The following KCNH1 variants were observed in gnomAD, a reference collection of about 807,000 sequenced individuals.
The protein encoded by KCNH1 is potassium voltage-gated channel subfamily H member 1, also known as voltage-gated delayed rectifier potassium channel KCNH1.
KCNH1 carries 27 observed loss-of-function variants against 69.2 expected under a neutral mutation model. The observed-to-expected ratio is 0.39, with a 90% CI of 0.29 to 0.54. The LOEUF is 0.54. KCNH1 is among the 20% of genes least tolerant of loss of function. The pLI is 0.68. For missense variants in KCNH1, 798 were observed against 1,261.6 expected (o/e 0.63, Z 5.57); for synonymous variants, 456 against 487.7 (o/e 0.93, Z 0.86).
At chr1:211,015,046 T>C (rs1194292020) in intron 6 of KCNH1, among the ~76,000 whole-genome samples, 1 of 152,032 alleles carries the variant, frequency 6.6e-6, no homozygotes, top group Non-Finnish European at 1.5e-5. Flanking sequence ...AATTTAATGG[T>C]GTCATTTCAC....
chr1:210,976,371 C>T (rs1688610274), intron 6 of KCNH1, among the ~76,000 whole-genome samples: 1 of 144,850 alleles, frequency 6.9e-6, no homozygotes, highest in South Asian at 2.2e-4. Context: ...CAATGATAGA[C>T]TAGATTAAGA....
intron 6 of KCNH1, among the ~76,000 whole-genome samples, chr1:210,941,846 C>T (rs774239617): frequency 3.9e-5 from 6 of 152,156 alleles, no homozygotes; most frequent in African/African-American, 7.2e-5. Context: ...GAAGGAGGAT[C>T]AGTATTTTGC....
intron 7 of KCNH1, among the ~76,000 whole-genome samples, chr1:210,879,148 C>T (rs939261390): frequency 1.3e-5 from 2 of 151,996 alleles, no homozygotes; most frequent in African/African-American, 4.8e-5. Context: ...AAACAGAAAG[C>T]ACCAGACACA....
At chr1:210,819,955 T>A (rs945148547) in intron 7 of KCNH1, among the ~76,000 whole-genome samples, 3 of 152,246 alleles carry the variant, frequency 2.0e-5, no homozygotes, top group South Asian at 2.1e-4. Flanking sequence ...GAGATGCACA[T>A]CATGTGAGGG....
At chr1:210,950,001 G>A (rs537475679) in intron 6 of KCNH1, among the ~76,000 whole-genome samples, 1 of 152,204 alleles carries the variant, frequency 6.6e-6, no homozygotes, top group African/African-American at 2.4e-5. Context: ...CTAGAAGCCA[G>A]TGAGGAAAAG....
At chr1:210,806,691 CT>C (rs1684556441) in intron 7 of KCNH1, among the ~76,000 whole-genome samples, 1 of 149,896 alleles carries the variant, frequency 6.7e-6, no homozygotes, top group Non-Finnish European at 1.5e-5. Flanking sequence ...AAAGCAAACA[CT>C]TTACTTGAAA....
chr1:211,042,556 G>A (rs1203095696), intron 5 of KCNH1, among the ~76,000 whole-genome samples: 1 of 152,118 alleles, frequency 6.6e-6, no homozygotes, highest in Non-Finnish European at 1.5e-5. Flanking sequence ...CACTAGACAG[G>A]TCATCAAGAC....
chr1:210,820,442 T>C (rs897149074), intron 7 of KCNH1, among the ~76,000 whole-genome samples: 1 of 152,168 alleles, frequency 6.6e-6, no homozygotes, highest in Admixed American at 6.5e-5. Context: ...AAGACCAGCC[T>C]GGCCAACATG....
chr1:210,816,196 A>T (rs904201013), intron 7 of KCNH1, among the ~76,000 whole-genome samples: 2 of 152,198 alleles, frequency 1.3e-5, no homozygotes, highest in Admixed American at 1.3e-4. Flanking sequence ...ATTTTATAAC[A>T]AGAGAAGCCT....
chr1:210,914,641 C>A (rs959179379), intron 7 of KCNH1, among the ~76,000 whole-genome samples: 4 of 152,048 alleles, frequency 2.6e-5, no homozygotes, highest in Admixed American at 6.5e-5. Flanking sequence ...TGGGAGTTTC[C>A]AGGCCTGAGG....
intron 7 of KCNH1, among the ~76,000 whole-genome samples, chr1:210,917,225 G>GAAAGACAGAA (rs771690002): frequency 1.2e-5 from 1 of 80,596 alleles, no homozygotes. Context: ...GAGAGAGAGA[G>GAAAGACAGAA]AGAGAGAAAG....
intron 10 of KCNH1, among the ~76,000 whole-genome samples, chr1:210,735,293 T>A (rs1017680684): frequency 6.6e-6 from 1 of 152,200 alleles, no homozygotes; most frequent in Non-Finnish European, 1.5e-5. Flanking sequence ...CTACTTCCAG[T>A]ATTTGTTGTC....
chr1:210,964,534 C>T (rs1308595887), intron 6 of KCNH1, among the ~76,000 whole-genome samples: 1 of 152,178 alleles, frequency 6.6e-6, no homozygotes, highest in Non-Finnish European at 1.5e-5. Flanking sequence ...CATATACCCT[C>T]TCCCAAATCT....
At chr1:210,771,228 A>G (rs546043676) in intron 10 of KCNH1, among the ~76,000 whole-genome samples, 1 of 152,212 alleles carries the variant, frequency 6.6e-6, no homozygotes, top group South Asian at 2.1e-4. Flanking sequence ...CCTTCTTTTC[A>G]TGAATAGCCA....
At chr1:210,805,619 A>G (rs1314685430) in intron 7 of KCNH1, among the ~76,000 whole-genome samples, 1 of 152,192 alleles carries the variant, frequency 6.6e-6, no homozygotes, top group African/African-American at 2.4e-5. Flanking sequence ...ACACCATAAA[A>G]TGTATCCATT....
chr1:210,923,828 T>A (rs1687513054), intron 6 of KCNH1, among the ~76,000 whole-genome samples: 1 of 152,204 alleles, frequency 6.6e-6, no homozygotes, highest in Non-Finnish European at 1.5e-5. Context: ...TCAACATGTA[T>A]TGTGTTGAAC....
intron 10 of KCNH1, among the ~76,000 whole-genome samples, chr1:210,753,573 G>C (rs1264009202): frequency 6.6e-6 from 1 of 152,134 alleles, no homozygotes; most frequent in Non-Finnish European, 1.5e-5. Context: ...TTTCAATGGA[G>C]GTGCACCTAT....
At chr1:210,946,918 G>T (rs1238813786) in intron 6 of KCNH1, among the ~76,000 whole-genome samples, 3 of 152,040 alleles carry the variant, frequency 2.0e-5, no homozygotes, top group Non-Finnish European at 4.4e-5. Flanking sequence ...TGACATCTCA[G>T]CCAGAGCGGC....
chr1:211,012,471 A>G (rs6669457), intron 6 of KCNH1, among the ~76,000 whole-genome samples: 73,112 of 152,098 alleles, frequency 0.48, 18,170 homozygotes, highest in African/African-American at 0.59. Context: ...CAATTTTAAA[A>G]AAGTTATCAT....
Sources: gnomAD v4.1 joint callset for allele counts (sites outside exome capture counted in the v4.1 genomes callset) on GRCh38, gnomAD v4.1.1 for gene constraint, MANE v1.5 for transcripts, NCBI Gene and HGNC (gene_info 2026-07-23, HGNC 2026-07-21) for gene names.